The following ZFYVE28 variants were observed in gnomAD, a reference collection of about 807,000 sequenced individuals.
The protein encoded by ZFYVE28 is lateral signaling target protein 2 homolog.
ZFYVE28 carries 40 observed loss-of-function variants against 82.1 expected under a neutral mutation model. The ratio of observed to expected loss-of-function variants is 0.49; its 90% CI spans 0.38 to 0.63. ZFYVE28 has a LOEUF of 0.63. Ranked by LOEUF, ZFYVE28 falls within the 30% of genes least tolerant of loss-of-function variation. The pLI, the probability that ZFYVE28 is intolerant of heterozygous loss-of-function variation, is 0.00. For synonymous variants in ZFYVE28, 612 were observed against 546.1 expected (o/e 1.12, Z -1.68); for missense variants, 1,321 against 1,242.1 (o/e 1.06, Z -0.96).
rs779837776 is a variant in ZFYVE28, at chr4:2,400,172, C to A, written c.39+18113G>T. ...GGGGAGCCACAGGTCAGGAGGAACA[C>A]ATTTTTTTACTTGACCGCACTTAAT... On this transcript the variant is annotated intron_variant, in intron 1 of 12. Coordinates refer to ENST00000290974, the MANE Select transcript of ZFYVE28 (RefSeq NM_020972.3). Among the ~76,000 whole-genome samples the A allele has an allele frequency of 7.2e-5, 11 of 152,366 alleles. No individual in the cohort carries two copies. In the South Asian group the frequency reaches 8.3e-4, roughly 11 times the overall value.
chr4:2,400,821 G>T (rs1001710961), intron 1 of ZFYVE28, among the ~76,000 whole-genome samples: 1 of 152,058 alleles, frequency 6.6e-6, no homozygotes, highest in African/African-American at 2.4e-5. Context: ...CAGATTAAGG[G>T]TGGGCCTGCC....
intron 10 of ZFYVE28, 137 bp from the exon 11 acceptor site, chr4:2,271,916 G>A (rs563746174): frequency 6.6e-6 from 5 of 752,886 alleles, no homozygotes; most frequent in East Asian, 5.3e-5. Context: ...TCTCATGGCA[G>A]GTGGCACCAC....
chr4:2,407,315 C>T (rs1200817224), intron 1 of ZFYVE28, among the ~76,000 whole-genome samples: 1 of 152,158 alleles, frequency 6.6e-6, no homozygotes, highest in Non-Finnish European at 1.5e-5. Context: ...GACTTTGCTC[C>T]CTGTGGCCCT....
chr4:2,275,590 C>A (rs980305768), intron 8 of ZFYVE28, among the ~76,000 whole-genome samples: 9 of 152,328 alleles, frequency 5.9e-5, no homozygotes, highest in African/African-American at 1.7e-4. Context: ...TTTATTTGGC[C>A]GTGTCTCATG....
At chr4:2,371,587 A>G (rs1209073470) in intron 1 of ZFYVE28, among the ~76,000 whole-genome samples, 1 of 152,224 alleles carries the variant, frequency 6.6e-6, no homozygotes, top group African/African-American at 2.4e-5. Flanking sequence ...TTCACTCAAG[A>G]AAAGCCAGGA....
chr4:2,341,702 G>A lies in ZFYVE28; in HGVS notation c.181-87C>T. 1 of 1,528,698 alleles carries A rather than the reference G, an allele frequency of 6.5e-7. No homozygotes were observed. The highest frequency in any genetic ancestry group is 2.3e-5 in the East Asian group (1 of 43,822). The allele number at this position is 1,528,698 out of a possible 1,614,324, so 94.7% of individuals were successfully genotyped here. On this transcript the variant is annotated intron_variant, in intron 2 of 12. Coordinates refer to ENST00000290974, the MANE Select transcript of ZFYVE28 (RefSeq NM_020972.3). The surrounding 1 kb of genome is among the most constrained non-coding windows in gnomAD (Gnocchi z 4.5). ...CTGCTGGAAAACACGCACGGTGCAT[G>A]TGACTGTTTTTTAGGATTATTAAAG...
At chr4:2,383,431 C>T (rs972172278) in intron 1 of ZFYVE28, among the ~76,000 whole-genome samples, 27 of 152,142 alleles carry the variant, frequency 1.8e-4, no homozygotes, top group African/African-American at 6.5e-4. Context: ...CTGAGGTGCC[C>T]CCTGCCCCAC....
intron 7 of ZFYVE28, chr4:2,307,097 T>C (rs1716695246): frequency 6.6e-6 from 1 of 152,254 alleles, no homozygotes; most frequent in Non-Finnish European, 1.5e-5. Flanking sequence ...GAATCCTTCC[T>C]GGTGAGTGAG....
At position 2,337,507 on chromosome 4, in the gene ZFYVE28, A is replaced by G. The variant is rs1479560257; in HGVS notation, c.522-11T>C. The G allele has an allele frequency of 7.5e-6, 12 of 1,595,910 alleles. No homozygotes were observed. The highest frequency in any genetic ancestry group is 1.7e-5 in the Admixed American group (1 of 58,448). On this transcript the variant is annotated splice_polypyrimidine_tract_variant and intron_variant, in intron 4 of 12. Transcript: ENST00000290974. ...ATGGCCGAGACGTAGCTGCAAACAC[A>G]TGGAGACCTGTGAGGCCGCACCTGG...
chr4:2,377,311 T>A (rs192196668), intron 1 of ZFYVE28, among the ~76,000 whole-genome samples: 1 of 152,154 alleles, frequency 6.6e-6, no homozygotes, highest in Non-Finnish European at 1.5e-5. Context: ...GTTGAGCCAC[T>A]GCGCCCGGCC....
Position 2,336,739 on chromosome 4 carries a change from A to G in ZFYVE28, c.611+668T>C, listed in dbSNP as rs548188042. On this transcript the variant is annotated intron_variant, in intron 5 of 12. Transcript: ENST00000290974. The stretch of plus-strand genomic sequence containing the variant: ...GCTAAGGAGTAAGGAGGTGAGGAGT[A>G]AGGAGGTGAGGAATGATGAGGTGAG... 2.3e-3 allele frequency among the ~76,000 whole-genome samples: 282 copies of G among 123,410 alleles called. 1 individual carries two copies. The highest frequency in any genetic ancestry group is 7.5e-3 in the African/African-American group (264 of 35,026). 81.0% of individuals were successfully genotyped at this position (123,410 alleles called of 152,430 possible).
chr4:2,337,557 A>T (rs543502707), intron 4 of ZFYVE28, 61 bp from the exon 5 acceptor site: 2 of 1,333,794 alleles, frequency 1.5e-6, no homozygotes, highest in Non-Finnish European at 2.1e-6. Context: ...CCTCCAAAAC[A>T]GAGTGGGGGG....
At chr4:2,331,617 C>T (rs1044748615) in intron 6 of ZFYVE28, among the ~76,000 whole-genome samples, 18 of 152,218 alleles carry the variant, frequency 1.2e-4, no homozygotes, top group Non-Finnish European at 2.4e-4. Context: ...ACGCGTGTCT[C>T]AATCAGCAGG....
chr4:2,271,579 G>A (rs1560121668), intron 11 of ZFYVE28, 96 bp downstream of exon 11: 4 of 1,453,712 alleles, frequency 2.8e-6, no homozygotes, highest in Non-Finnish European at 2.9e-6. Flanking sequence ...CGGACAGGGT[G>A]GCCTGCAGCC....
At chr4:2,280,278 C>G (rs189626250) in intron 8 of ZFYVE28, among the ~76,000 whole-genome samples, 2 of 152,028 alleles carry the variant, frequency 1.3e-5, no homozygotes, top group Admixed American at 1.3e-4. Context: ...GAGGCTGAGG[C>G]GGGAGGATCA....
At chr4:2,366,415 G>C (rs902278128) in intron 1 of ZFYVE28, among the ~76,000 whole-genome samples, 1 of 152,186 alleles carries the variant, frequency 6.6e-6, no homozygotes, top group African/African-American at 2.4e-5. Context: ...TTAGATTGGG[G>C]GACTGGTTTA....
At chr4:2,295,262 A>G (rs1714364109) in intron 8 of ZFYVE28, among the ~76,000 whole-genome samples, 1 of 152,154 alleles carries the variant, frequency 6.6e-6, no homozygotes, top group Admixed American at 6.5e-5. Context: ...CCCAGGTTCA[A>G]GTGATTCTCC....
chr4:2,291,179 T>C (rs1713623002), intron 8 of ZFYVE28, among the ~76,000 whole-genome samples: 1 of 152,066 alleles, frequency 6.6e-6, no homozygotes, highest in Admixed American at 6.5e-5. Context: ...GTGGGTGAAG[T>C]CAGCTGAGGA....
chr4:2,285,710 T>C (rs11722217), intron 8 of ZFYVE28: 102,359 of 152,536 alleles, frequency 0.67, 35,462 homozygotes, highest in African/African-American at 0.84. Context: ...GCTGCCACTG[T>C]GGGCCAGAAT....
Sources: gnomAD v4.1 joint callset for allele counts (sites outside exome capture counted in the v4.1 genomes callset) on GRCh38, gnomAD v4.1.1 for gene constraint, Gnocchi (gnomAD v3.1) non-coding constraint, MANE v1.5 for transcripts, NCBI Gene and HGNC (gene_info 2026-07-23, HGNC 2026-07-21) for gene names.